OR3A2: variants seen among roughly 807,000 people sequenced by gnomAD.
OR3A2 encodes the protein olfactory receptor 3A2.
For missense variants in OR3A2, 318 were observed against 392.8 expected, an observed-to-expected ratio of 0.81 and a Z score of 1.61; for synonymous variants, 126 against 159.3, an observed-to-expected ratio of 0.79 and a Z score of 1.57.
Position 3,311,750 on chromosome 17 carries a change from A to C in OR3A2, c.-85+24283T>G. 1 of 255,952 alleles carries C rather than the reference A, an allele frequency of 3.9e-6. No individual in the cohort carries two copies. The highest frequency in any genetic ancestry group is 8.8e-5 in the East Asian group (1 of 11,366). 15.9% of individuals were successfully genotyped at this position (255,952 alleles called of 1,614,324 possible). A position where few individuals can be genotyped will look rare whatever the true frequency, so the allele number is the denominator to read the frequency against. ...CACCTCACTGTGGTCTGAATCTTTTATGGAACTGGCTTCTTCAGTTACATG... is the reference window on the plus strand; with the variant it reads ...CACCTCACTGTGGTCTGAATCTTTTCTGGAACTGGCTTCTTCAGTTACATG... On this transcript the variant is annotated intron_variant, in intron 3 of 4. Coordinates refer to the OR3A2 transcript ENST00000573491. The surrounding 1 kb of genome is among the most constrained non-coding windows in gnomAD (Gnocchi z 4.6).
intron 2 of OR3A2, among the ~76,000 whole-genome samples, chr17:3,345,833 T>G (rs1019557389): frequency 6.6e-6 from 1 of 152,130 alleles, no homozygotes; most frequent in Non-Finnish European, 1.5e-5. Context: ...TTGAATAAAG[T>G]ACCCACATTC....
intron 2 of OR3A2, among the ~76,000 whole-genome samples, chr17:3,355,675 T>C (rs1219477323): frequency 6.6e-6 from 1 of 151,470 alleles, no homozygotes; most frequent in African/African-American, 2.4e-5. Flanking sequence ...TGGAATCTTT[T>C]TCCATCTATT....
chr17:3,347,715 G>C (rs2049379419), intron 2 of OR3A2, among the ~76,000 whole-genome samples: 1 of 152,188 alleles, frequency 6.6e-6, no homozygotes, highest in African/African-American at 2.4e-5. Flanking sequence ...ACGTGTGCAT[G>C]TGTCTTTATA....
upstream of OR3A2, among the ~76,000 whole-genome samples, chr17:3,285,665 G>A (rs191216189): frequency 1.3e-5 from 2 of 152,208 alleles, no homozygotes; most frequent in African/African-American, 4.8e-5. Context: ...GTGCGGGCCT[G>A]TAGTCCCAGC....
chr17:3,298,664 A>T (rs1319138769), intron 3 of OR3A2, among the ~76,000 whole-genome samples: 1 of 152,114 alleles, frequency 6.6e-6, no homozygotes, highest in Non-Finnish European at 1.5e-5. Context: ...CTTGGTAACA[A>T]CTCAAATGCC....
intron 2 of OR3A2, among the ~76,000 whole-genome samples, chr17:3,348,721 A>T (rs575667797): frequency 6.6e-6 from 1 of 152,074 alleles, no homozygotes; most frequent in Non-Finnish European, 1.5e-5. Flanking sequence ...TCCAAAATAC[A>T]TAATTGTCAG....
chr17:3,310,005 A>G (rs2049028433), intron 3 of OR3A2: 1 of 206,534 alleles, frequency 4.8e-6, no homozygotes, highest in African/African-American at 2.3e-5. Flanking sequence ...CCTCAGGAAA[A>G]TAATTTTTCC....
chr17:3,362,266 C>G (rs965790118), intron 2 of OR3A2, among the ~76,000 whole-genome samples: 2 of 151,470 alleles, frequency 1.3e-5, no homozygotes, highest in African/African-American at 2.4e-5. Flanking sequence ...GGTGATATCC[C>G]CTTTAGCATT....
At chr17:3,384,173 G>A (rs1360642794) in intron 1 of OR3A2, among the ~76,000 whole-genome samples, 1 of 152,184 alleles carries the variant, frequency 6.6e-6, no homozygotes, top group Admixed American at 6.5e-5. Flanking sequence ...AAGGGTAGGT[G>A]TGCTAGATTG....
chr17:3,349,832 C>A (rs532060443), intron 2 of OR3A2, among the ~76,000 whole-genome samples: 1 of 152,122 alleles, frequency 6.6e-6, no homozygotes, highest in African/African-American at 2.4e-5. Context: ...AACAAACTAT[C>A]TCTCAGACCA....
chr17:3,297,713 T>C (rs534500061), intron 3 of OR3A2, among the ~76,000 whole-genome samples: 1 of 152,264 alleles, frequency 6.6e-6, no homozygotes, highest in South Asian at 2.1e-4. Flanking sequence ...ACACTTTGCA[T>C]ACAGTAGGGT....
intron 3 of OR3A2, chr17:3,291,799 A>C: frequency 6.2e-7 from 1 of 1,613,764 alleles, no homozygotes; most frequent in Non-Finnish European, 8.5e-7. Flanking sequence ...AGTCGCATAT[A>C]GTTAAAGATA....
chr17:3,372,228 C>G (rs1268412600), intron 2 of OR3A2, among the ~76,000 whole-genome samples: 2 of 148,716 alleles, frequency 1.3e-5, no homozygotes, highest in East Asian at 4.2e-4. Flanking sequence ...AGACGATGGG[C>G]GGCCGGGCAG....
intron 3 of OR3A2, among the ~76,000 whole-genome samples, chr17:3,330,337 G>A (rs545058643): frequency 6.5e-4 from 98 of 150,260 alleles, no homozygotes; most frequent in African/African-American, 2.4e-3. Context: ...TTATTAAAGT[G>A]TGGGAGTCTA....
chr17:3,347,731 A>G (rs893007360), intron 2 of OR3A2, among the ~76,000 whole-genome samples: 2 of 152,214 alleles, frequency 1.3e-5, no homozygotes, highest in South Asian at 2.1e-4. Flanking sequence ...TTATAGAAGC[A>G]TGATTTATAG....
intron 3 of OR3A2, chr17:3,291,790 G>T: frequency 5.0e-6 from 8 of 1,613,794 alleles, no homozygotes; most frequent in Non-Finnish European, 6.8e-6. Context: ...GTTGAACCCA[G>T]TCGCATATAG....
chr17:3,357,562 GAGA>G (rs1437977034), intron 2 of OR3A2, among the ~76,000 whole-genome samples: 2 of 151,572 alleles, frequency 1.3e-5, no homozygotes, highest in African/African-American at 4.9e-5. Context: ...GGGAGGAGAG[GAGA>G]AGGAGAGTTT....
intron 2 of OR3A2, among the ~76,000 whole-genome samples, chr17:3,345,565 T>C (rs1245951211): frequency 6.6e-6 from 1 of 151,680 alleles, no homozygotes; most frequent in Non-Finnish European, 1.5e-5. Context: ...AGAAACAATA[T>C]CACAAAAACA....
intron 2 of OR3A2, among the ~76,000 whole-genome samples, chr17:3,344,343 C>T (rs545635568): frequency 3.2e-4 from 49 of 152,146 alleles, no homozygotes; most frequent in African/African-American, 1.0e-3. Context: ...TCCTGCTTTG[C>T]GTGTCCTGTA....
Sources: allele counts gnomAD v4.1 joint callset (sites outside exome capture counted in the v4.1 genomes callset), GRCh38; gene constraint gnomAD v4.1.1; non-coding constraint Gnocchi (gnomAD v3.1); transcripts MANE v1.5; gene names NCBI Gene and HGNC (gene_info 2026-07-23, HGNC 2026-07-21).